LIPA: variants seen among roughly 807,000 people sequenced by gnomAD.
LIPA encodes lysosomal acid lipase/cholesteryl ester hydrolase.
LIPA carries 26 observed loss-of-function variants against 40.6 expected under a neutral mutation model. The observed-to-expected ratio is 0.64, with a 90% confidence interval of 0.47 to 0.89. LIPA has a LOEUF of 0.89. Among genes scored for constraint, LIPA ranks in the 40% least tolerant of loss-of-function variants. LIPA has a pLI of 0.00. For missense variants in LIPA, 455 were observed against 479.6 expected, an observed-to-expected ratio of 0.95 and a Z score of 0.48; for synonymous variants, 188 against 168.4, an observed-to-expected ratio of 1.12 and a Z score of -0.90.
At chr10:89,274,760 C>G (rs965225353) in intron 1 of LIPA, among the ~76,000 whole-genome samples, 3 of 152,094 alleles carry the variant, frequency 2.0e-5, no homozygotes, top group African/African-American at 4.8e-5. Context: ...ACTGGAATTT[C>G]CGTGTCTGAT....
At chr10:89,296,554 C>G (rs898974642) in intron 1 of LIPA, among the ~76,000 whole-genome samples, 1 of 151,002 alleles carries the variant, frequency 6.6e-6, no homozygotes. Flanking sequence ...GAAACTCTTG[C>G]GTAAGACACA....
At chr10:89,246,320 A>G (rs1410848020) in intron 2 of LIPA, among the ~76,000 whole-genome samples, 1 of 152,222 alleles carries the variant, frequency 6.6e-6, no homozygotes, top group Admixed American at 6.5e-5. Flanking sequence ...TCACTTTTCT[A>G]TAAGGAAGGA....
intron 2 of LIPA, among the ~76,000 whole-genome samples, chr10:89,372,759 A>T (rs1324729997): frequency 1.3e-5 from 2 of 152,188 alleles, no homozygotes; most frequent in African/African-American, 4.8e-5. Context: ...TTTTCAGCTC[A>T]ATGTATAATC....
chr10:89,290,343 T>G (rs1415119792), intron 1 of LIPA, among the ~76,000 whole-genome samples: 2 of 152,134 alleles, frequency 1.3e-5, no homozygotes, highest in African/African-American at 4.8e-5. Context: ...GTATCACCCC[T>G]TACCACAAAA....
At chr10:89,413,262 T>C (rs1196586135) in intron 1 of LIPA, among the ~76,000 whole-genome samples, 1 of 152,214 alleles carries the variant, frequency 6.6e-6, no homozygotes, top group Non-Finnish European at 1.5e-5. Flanking sequence ...AGTTTTTAAA[T>C]TTATATTAAA....
intron 2 of LIPA, chr10:89,385,217 C>T (rs1844201750): frequency 6.5e-6 from 1 of 153,564 alleles, no homozygotes; most frequent in African/African-American, 2.4e-5. Context: ...TTTCTGAATT[C>T]CATTATTTGA....
intron 2 of LIPA, among the ~76,000 whole-genome samples, chr10:89,370,220 GTTTGT>G (rs976854645): frequency 4.0e-5 from 6 of 151,122 alleles, no homozygotes; most frequent in South Asian, 2.1e-4. Context: ...TTCTTTTTTT[GTTTGT>G]TTTGTTTTTT....
At chr10:89,233,369 C>T (rs750254552) in intron 3 of LIPA, among the ~76,000 whole-genome samples, 6 of 152,204 alleles carry the variant, frequency 3.9e-5, no homozygotes, top group Admixed American at 6.5e-5. Context: ...GAAAGGTAAA[C>T]GTCTGACAAA....
At chr10:89,253,539 A>G (rs1843162235), upstream of LIPA, among the ~76,000 whole-genome samples, 1 of 152,186 alleles carries the variant, frequency 6.6e-6, no homozygotes, top group Non-Finnish European at 1.5e-5. Context: ...CTATAATTCA[A>G]GATGAGATTT....
chr10:89,220,674 T>TA (rs1446784736), intron 8 of LIPA, among the ~76,000 whole-genome samples: 1 of 152,140 alleles, frequency 6.6e-6, no homozygotes, highest in Non-Finnish European at 1.5e-5. Flanking sequence ...GCCTTCTAGT[T>TA]ACTATAAAGG....
chr10:89,267,190 T>G (rs1403279314), intron 1 of LIPA, among the ~76,000 whole-genome samples: 1 of 152,176 alleles, frequency 6.6e-6, no homozygotes, highest in Non-Finnish European at 1.5e-5. Flanking sequence ...GCATTCAAAA[T>G]GGAATGATTC....
chr10:89,412,294 C>A (rs900715516), intron 2 of LIPA, among the ~76,000 whole-genome samples: 2 of 152,090 alleles, frequency 1.3e-5, no homozygotes, highest in African/African-American at 4.8e-5. Flanking sequence ...GTAAACGCAC[C>A]AATCAGCACT....
At chr10:89,264,110 C>T (rs1221283943) in intron 1 of LIPA, among the ~76,000 whole-genome samples, 3 of 152,220 alleles carry the variant, frequency 2.0e-5, no homozygotes, top group Admixed American at 6.5e-5. Context: ...GGCCTCTGCT[C>T]TTCTCTGCTG....
intron 2 of LIPA, among the ~76,000 whole-genome samples, chr10:89,349,210 T>C (rs1199292543): frequency 1.3e-5 from 2 of 152,080 alleles, no homozygotes; most frequent in Admixed American, 6.5e-5. Flanking sequence ...ACACTGGAGG[T>C]TGACCCCGTG....
intron 2 of LIPA, among the ~76,000 whole-genome samples, chr10:89,382,133 G>T (rs141789788): frequency 1.3e-5 from 2 of 152,148 alleles, no homozygotes; most frequent in African/African-American, 4.8e-5. Flanking sequence ...TTTGTGATTA[G>T]ATTATGGTTA....
At chr10:89,225,000 G>A (rs1437850377) in intron 6 of LIPA, 92 bp downstream of exon 6, 8 of 1,453,906 alleles carry the variant, frequency 5.5e-6, no homozygotes, top group African/African-American at 2.8e-5. Flanking sequence ...ACGCAGGGGA[G>A]GAAGGCACAG....
chr10:89,395,664 G>C (rs1844332375), intron 2 of LIPA, among the ~76,000 whole-genome samples: 2 of 152,110 alleles, frequency 1.3e-5, no homozygotes, highest in Non-Finnish European at 2.9e-5. Context: ...CCTAGACATA[G>C]ATCAGACGCT....
At chr10:89,289,460 C>A (rs1275134652) in intron 1 of LIPA, among the ~76,000 whole-genome samples, 1 of 152,198 alleles carries the variant, frequency 6.6e-6, no homozygotes, top group African/African-American at 2.4e-5. Flanking sequence ...ACTTTACTCA[C>A]ATGCTTCAAG....
chr10:89,235,258 G>A (rs1842890533), intron 3 of LIPA, among the ~76,000 whole-genome samples: 1 of 152,244 alleles, frequency 6.6e-6, no homozygotes, highest in Non-Finnish European at 1.5e-5. Flanking sequence ...CTGTTTGTCA[G>A]AGTGACAAAC....
Sources: gnomAD v4.1 joint callset for allele counts (sites outside exome capture counted in the v4.1 genomes callset) on GRCh38, gnomAD v4.1.1 for gene constraint, MANE v1.5 for transcripts, NCBI Gene and HGNC (gene_info 2026-07-23, HGNC 2026-07-21) for gene names.